Variants in TBCE observed in about 807,000 individuals in gnomAD.
TBCE encodes tubulin folding cofactor E.
TBCE carries 53 observed loss-of-function variants against 77.0 expected under a neutral mutation model. That is an observed-to-expected ratio of 0.69 (90% confidence interval 0.55 to 0.87). The LOEUF (loss-of-function observed/expected upper bound fraction) is 0.87. TBCE is among the 40% of genes least tolerant of loss of function. The pLI is 0.00. For missense variants in TBCE, 624 were observed against 622.4 expected (o/e 1.00, Z -0.03); for synonymous variants, 235 against 241.3 (o/e 0.97, Z 0.24).
chr1:235,447,639 A>G (rs1355362345), intron 15 of TBCE, among the ~76,000 whole-genome samples: 3 of 152,204 alleles, frequency 2.0e-5, no homozygotes, highest in Non-Finnish European at 4.4e-5. Context: ...AGGATACCTG[A>G]GTCCCATTCC....
chr1:235,419,590 G>T, intron 5 of TBCE, 29 bp downstream of exon 5: 2 of 1,613,376 alleles, frequency 1.2e-6, no homozygotes, highest in Non-Finnish European at 1.7e-6. Flanking sequence ...GCTTGTTATT[G>T]GAATCTGACT....
At chr1:235,392,400 A>ATTTTTTT (rs557817776) in intron 2 of TBCE, among the ~76,000 whole-genome samples, 3 of 54,026 alleles carry the variant, frequency 5.6e-5, no homozygotes, top group African/African-American at 3.7e-4. Context: ...GCTGAACAGA[A>ATTTTTTT]TTTTTTTTTT....
chr1:235,412,950 T>C (rs569223205), intron 3 of TBCE, among the ~76,000 whole-genome samples: 3 of 152,152 alleles, frequency 2.0e-5, no homozygotes, highest in Non-Finnish European at 4.4e-5. Flanking sequence ...ATTATAGGCA[T>C]GTGCCACCAC....
rs1056913746 is a variant in TBCE at position 235,394,139 on chromosome 1, A to G, written c.101-7364A>G. On this transcript the variant is annotated intron_variant, in intron 2 of 16. Coordinates refer to ENST00000642610, the MANE Select transcript of TBCE (RefSeq NM_003193.5). ...GCTCAGGCTGGAGTGCAGTGGTGCAATCTCAGCTCATTGCAAGCTCTGCCC... is the reference window on the plus strand; with the variant it reads ...GCTCAGGCTGGAGTGCAGTGGTGCAGTCTCAGCTCATTGCAAGCTCTGCCC... Among the ~76,000 whole-genome samples, 7 of 152,020 alleles carry G rather than the reference A, an allele frequency of 4.6e-5. No homozygotes were observed. The East Asian group carries it at 5.8e-4, about 13-fold the overall frequency.
rs780909684 is a variant in TBCE at position 235,380,069 on chromosome 1, CG to C, written c.22del (p.Asp8MetfsTer30). The stretch of plus-strand genomic sequence containing the variant: ...ATTATAATGAGTGACACTTTGACAG[CG>C]GATGTCATTGGTCGAAGAGTTGAAG... MSDTLT[A>X]DVIGRRVEVN... is the part of the protein sequence containing the mutation. On this transcript the variant is annotated frameshift_variant, in exon 2 of 17. Coordinates refer to ENST00000642610, the MANE Select transcript of TBCE (RefSeq NM_003193.5). LOFTEE classifies it high-confidence loss of function. 3 of 1,613,160 alleles carry C rather than the reference CG, an allele frequency of 1.9e-6. No individual in the cohort carries two copies. Among genetic ancestry groups the C allele is most frequent in the Non-Finnish European group, 2.5e-6 (3 of 1,179,638 alleles).
intron 7 of TBCE, among the ~76,000 whole-genome samples, chr1:235,431,705 C>T (rs2102914927): frequency 6.9e-6 from 1 of 145,608 alleles, no homozygotes; most frequent in African/African-American, 2.6e-5. Context: ...CAGAGTCTCA[C>T]TCTGTTGCCC....
At chr1:235,396,608 A>T (rs1678738852) in intron 2 of TBCE, among the ~76,000 whole-genome samples, 1 of 152,196 alleles carries the variant, frequency 6.6e-6, no homozygotes, top group Non-Finnish European at 1.5e-5. Context: ...ATTCCCACTA[A>T]CAGTGTGTGA....
Position 235,448,630 on chromosome 1 carries a change from G to C in TBCE, c.1492-40G>C, listed in dbSNP as rs369507842. The stretch of plus-strand genomic sequence containing the variant: ...ATGTGTAGCATGCTTTATCGGATCT[G>C]TCTTAATCACATCCTTCCCCACCTT... On this transcript the variant is annotated intron_variant, in intron 16 of 16. Coordinates refer to ENST00000642610, the MANE Select transcript of TBCE (RefSeq NM_003193.5). The C allele has an allele frequency of 3.5e-5, 54 of 1,554,510 alleles. No homozygotes were observed. In the African/African-American group the frequency reaches 5.6e-4, roughly 16 times the overall value.
chr1:235,436,059 G>T, intron 9 of TBCE: 1 of 608,174 alleles, frequency 1.6e-6, no homozygotes, highest in Non-Finnish European at 2.9e-6. Context: ...ATAATTTGAA[G>T]AATGAATAAT....
chr1:235,388,567 G>T (rs1678178489), intron 2 of TBCE, among the ~76,000 whole-genome samples: 1 of 152,100 alleles, frequency 6.6e-6, no homozygotes, highest in South Asian at 2.1e-4. Context: ...GGGATTACGG[G>T]CATGAGCCAC....
At position 235,436,484 on chromosome 1, in the gene TBCE, C is replaced by G. The variant is rs766018970; in HGVS notation, c.898+34C>G. 5.0e-6 allele frequency: 8 copies of G among 1,610,656 alleles called. No individual in the cohort carries two copies. The South Asian group carries it at 7.7e-5, about 15-fold the overall frequency. ...GATTAGTAAAGTTCCCCACTGCCCC[C>G]CCACACTATACTTCAGCTACTTTCA... On this transcript the variant is annotated intron_variant, in intron 10 of 16. Transcript: ENST00000642610.
chr1:235,371,702 T>C (rs1223914775), intron 1 of TBCE, among the ~76,000 whole-genome samples: 1 of 151,752 alleles, frequency 6.6e-6, no homozygotes, highest in Non-Finnish European at 1.5e-5. Flanking sequence ...GACAGAGTTT[T>C]GCTCTTGTCA....
chr1:235,414,393 G>T, intron 3 of TBCE, 40 bp from the exon 4 acceptor site: 1 of 1,602,486 alleles, frequency 6.2e-7, no homozygotes, highest in South Asian at 1.1e-5. Flanking sequence ...CTTTCTTGGT[G>T]GGTAATATTT....
At position 235,434,764 on chromosome 1, in the gene TBCE, G is replaced by A. The variant is rs886968243; in HGVS notation, c.737+484G>A. 3.7e-4 allele frequency among the ~76,000 whole-genome samples: 56 copies of A among 151,824 alleles called. 1 individual carries two copies. Among genetic ancestry groups the A allele is most frequent in the Admixed American group, 3.7e-3 (56 of 15,226 alleles). On this transcript the variant is annotated intron_variant, in intron 8 of 16. Transcript: ENST00000642610. The stretch of plus-strand genomic sequence containing the variant: ...TCTTTTACGGGGTTTCACCATCTTG[G>A]CCAGGCTGGTCTCGAACTCCTGACC...
chr1:235,436,962 A>C (rs1681490568), intron 11 of TBCE, among the ~76,000 whole-genome samples: 1 of 151,586 alleles, frequency 6.6e-6, no homozygotes, highest in Non-Finnish European at 1.5e-5. Flanking sequence ...CTACTAAAAA[A>C]AAAAAAAAAT....
intron 16 of TBCE, 103 bp downstream of exon 16, chr1:235,448,543 A>T: frequency 7.2e-7 from 1 of 1,392,592 alleles, no homozygotes; most frequent in Non-Finnish European, 1.0e-6. Flanking sequence ...AATGGAGACC[A>T]TGGGTCTGTT....
chr1:235,399,687 T>C (rs1169870125), intron 2 of TBCE, among the ~76,000 whole-genome samples: 1 of 152,164 alleles, frequency 6.6e-6, no homozygotes, highest in African/African-American at 2.4e-5. Flanking sequence ...AACCTGTAAA[T>C]GTAAGTAAGT....
rs555108692 is a variant in TBCE at position 235,406,124 on chromosome 1, A to C, written c.185+4537A>C. On this transcript the variant is annotated intron_variant, in intron 3 of 16. Coordinates refer to ENST00000642610, the MANE Select transcript of TBCE (RefSeq NM_003193.5). ...AAATAGGCACTTTGTTGACATTAAA[A>C]AATTATATGAGTAGGTAATGTTATC... 4.0e-3 allele frequency among the ~76,000 whole-genome samples: 602 copies of C among 152,342 alleles called. 4 individuals are homozygous for C. Among genetic ancestry groups the C allele is most frequent in the African/African-American group, 0.014 (575 of 41,576 alleles).
intron 6 of TBCE, among the ~76,000 whole-genome samples, chr1:235,428,944 T>G (rs1265877952): frequency 6.7e-6 from 1 of 148,758 alleles, no homozygotes; most frequent in African/African-American, 2.5e-5. Context: ...CCCAGCCTTA[T>G]GTATGTATGT....
Sources: allele counts gnomAD v4.1 joint callset (sites outside exome capture counted in the v4.1 genomes callset), GRCh38; gene constraint gnomAD v4.1.1; transcripts MANE v1.5; gene names NCBI Gene and HGNC (gene_info 2026-07-23, HGNC 2026-07-21).